EPHA3: variants seen among roughly 807,000 people sequenced by gnomAD.
EPHA3 encodes EPH receptor A3, also known as ephrin type-A receptor 3.
EPHA3 carries 42 observed loss-of-function variants against 107.1 expected under a neutral mutation model. The observed-to-expected ratio is 0.39, with a 90% CI of 0.31 to 0.51. EPHA3 has a LOEUF of 0.51. Among genes scored for constraint, EPHA3 ranks in the 20% least tolerant of loss-of-function variants. The pLI is 0.78. For missense variants in EPHA3, 1,183 were observed against 1,211.2 expected (o/e 0.98, Z 0.35); for synonymous variants, 461 against 424.8 (o/e 1.09, Z -1.05).
At chr3:89,113,412 T>C (rs938773951) in intron 1 of EPHA3, among the ~76,000 whole-genome samples, 1 of 134,944 alleles carries the variant, frequency 7.4e-6, no homozygotes, top group African/African-American at 2.8e-5. Flanking sequence ...TCTTGGAACC[T>C]GGCAGGAGGT....
chr3:89,172,572 T>C (rs1261328379), intron 2 of EPHA3, among the ~76,000 whole-genome samples: 1 of 152,196 alleles, frequency 6.6e-6, no homozygotes, highest in Non-Finnish European at 1.5e-5. Flanking sequence ...ACTTAACCTT[T>C]CCATTGGTCA....
At position 89,434,338 on chromosome 3, in the gene EPHA3, C is replaced by T. The variant is rs543912127; in HGVS notation, c.2346+2979C>T. Among the ~76,000 whole-genome samples the T allele has an allele frequency of 5.3e-5, 8 of 152,264 alleles. No homozygotes were observed. In the South Asian group the frequency reaches 1.7e-3, roughly 32 times the overall value. On this transcript the variant is annotated intron_variant, in intron 13 of 16. Coordinates refer to ENST00000336596, the MANE Select transcript of EPHA3 (RefSeq NM_005233.6). Reference sequence around the variant, plus strand: ...ATTCAAGCAACTCTCATGCCTCAGCCTCACAAGTAGTTTGGATAACAGTGG... The same window carrying T: ...ATTCAAGCAACTCTCATGCCTCAGCTTCACAAGTAGTTTGGATAACAGTGG...
Position 89,210,212 on chromosome 3 carries a change from G to A in EPHA3, c.506G>A (p.Arg169Lys). 6.2e-7 allele frequency: 1 copy of A among 1,614,070 alleles called. No individual in the cohort carries two copies. The highest frequency in any genetic ancestry group is 8.5e-7 in the Non-Finnish European group (1 of 1,179,960). The change falls in exon 3 of 17, where the codon AGA becomes AAA. Residue 169 changes from arginine to lysine, a missense_variant. Coordinates refer to ENST00000336596, the MANE Select transcript of EPHA3 (RefSeq NM_005233.6). The part of the protein sequence containing the change: ...DRILKLNTEI[R>K]EVGPVNKKGF... ...ATTCTGAAGCTCAACACTGAGATTA[G>A]AGAAGTAGGTCCTGTCAACAAGAAG...
intron 13 of EPHA3, among the ~76,000 whole-genome samples, chr3:89,444,013 G>A (rs1223641990): frequency 6.6e-6 from 1 of 152,136 alleles, no homozygotes; most frequent in Non-Finnish European, 1.5e-5. Flanking sequence ...TCTGTTGAAT[G>A]CCTGCACTGC....
At chr3:89,435,654 T>C (rs1188611790) in intron 13 of EPHA3, among the ~76,000 whole-genome samples, 1 of 147,480 alleles carries the variant, frequency 6.8e-6, no homozygotes, top group Admixed American at 6.9e-5. Flanking sequence ...TGTGTGTATA[T>C]GTATTAAAAT....
chr3:89,230,822 T>TCACA (rs1247637593), intron 3 of EPHA3, among the ~76,000 whole-genome samples: 81 of 144,128 alleles, frequency 5.6e-4, no homozygotes, highest in African/African-American at 2.1e-3. Context: ...TCTCTCTCTC[T>TCACA]CTCACACACA....
At chr3:89,308,569 G>A (rs1706686579) in intron 3 of EPHA3, among the ~76,000 whole-genome samples, 1 of 151,528 alleles carries the variant, frequency 6.6e-6, no homozygotes, top group African/African-American at 2.4e-5. Flanking sequence ...AACTAAAAAG[G>A]GGACACATTA....
intron 5 of EPHA3, among the ~76,000 whole-genome samples, chr3:89,391,339 C>A (rs1708727653): frequency 6.6e-6 from 1 of 151,822 alleles, no homozygotes; most frequent in Non-Finnish European, 1.5e-5. Flanking sequence ...TAAGCCACCC[C>A]TCCCTCTTAG....
chr3:89,268,970 A>T (rs1705599509), intron 3 of EPHA3, among the ~76,000 whole-genome samples: 1 of 151,784 alleles, frequency 6.6e-6, no homozygotes, highest in African/African-American at 2.4e-5. Context: ...GTCTTATACA[A>T]GGTCATAGGA....
intron 3 of EPHA3, among the ~76,000 whole-genome samples, chr3:89,324,224 G>C (rs1707113141): frequency 6.8e-6 from 1 of 146,012 alleles, no homozygotes; most frequent in Non-Finnish European, 1.5e-5. Flanking sequence ...CTGGAGTACA[G>C]TGATGCAATC....
At chr3:89,222,737 TTC>T (rs1419073857) in intron 3 of EPHA3, among the ~76,000 whole-genome samples, 1 of 152,072 alleles carries the variant, frequency 6.6e-6, no homozygotes, top group African/African-American at 2.4e-5. Context: ...ATTCCTACAT[TTC>T]TTTTACTGCT....
At chr3:89,420,299 C>T (rs1709330349) in intron 11 of EPHA3, among the ~76,000 whole-genome samples, 1 of 151,356 alleles carries the variant, frequency 6.6e-6, no homozygotes, top group South Asian at 2.1e-4. Flanking sequence ...TTCTCTTTAC[C>T]ATTTTATAGA....
At chr3:89,264,963 G>T (rs1705502353) in intron 3 of EPHA3, among the ~76,000 whole-genome samples, 1 of 151,852 alleles carries the variant, frequency 6.6e-6, no homozygotes, top group African/African-American at 2.4e-5. Flanking sequence ...TATTTATAGG[G>T]GATATTAGAT....
At chr3:89,329,869 A>T in intron 3 of EPHA3, among the ~76,000 whole-genome samples, 1 of 152,026 alleles carries the variant, frequency 6.6e-6, no homozygotes, top group Middle Eastern at 3.2e-3. Context: ...CTGACATACA[A>T]ATGTCAGTGA....
intron 3 of EPHA3, among the ~76,000 whole-genome samples, chr3:89,303,401 A>G (rs1477367028): frequency 6.7e-6 from 1 of 150,316 alleles, no homozygotes; most frequent in Non-Finnish European, 1.5e-5. Context: ...TCTTTAATTC[A>G]AAAGAAAGAT....
intron 5 of EPHA3, among the ~76,000 whole-genome samples, chr3:89,380,664 G>A (rs1708483260): frequency 6.6e-6 from 1 of 152,042 alleles, no homozygotes; most frequent in Non-Finnish European, 1.5e-5. Context: ...AATAATGTAA[G>A]CTGACTAAAA....
At chr3:89,189,516 C>T (rs549057117) in intron 2 of EPHA3, among the ~76,000 whole-genome samples, 2 of 152,236 alleles carry the variant, frequency 1.3e-5, no homozygotes, top group Admixed American at 1.3e-4. Flanking sequence ...TTGCTTGAAC[C>T]CAGGAGGCGG....
chr3:89,339,413 G>T (rs1576320636), intron 3 of EPHA3, among the ~76,000 whole-genome samples: 1 of 149,624 alleles, frequency 6.7e-6, no homozygotes. Context: ...AATTATAATT[G>T]TTAGGGCAGT....
At chr3:89,460,868 C>A (rs1396838666) in intron 15 of EPHA3, among the ~76,000 whole-genome samples, 1 of 127,208 alleles carries the variant, frequency 7.9e-6, no homozygotes, top group Non-Finnish European at 1.7e-5. Flanking sequence ...GGTACATGTG[C>A]ACATTGTGCA....
Sources: gnomAD v4.1 joint callset for allele counts (sites outside exome capture counted in the v4.1 genomes callset) on GRCh38, gnomAD v4.1.1 for gene constraint, MANE v1.5 for transcripts, NCBI Gene and HGNC (gene_info 2026-07-23, HGNC 2026-07-21) for gene names.